Variants in ASCC3 observed in about 807,000 individuals in gnomAD.
ASCC3 encodes the protein ASC-1 complex subunit P200.
Under a neutral mutation model 256.3 loss-of-function variants are expected in ASCC3, and 158 were observed. That is an observed-to-expected ratio of 0.62 (90% CI 0.54 to 0.70). The LOEUF (loss-of-function observed/expected upper bound fraction) is 0.70, where lower values mean the gene tolerates loss of function less well. Among genes scored for constraint, ASCC3 ranks in the 30% least tolerant of loss-of-function variants. The pLI is 0.00. For missense variants in ASCC3, 2,259 were observed against 2,626.0 expected, an observed-to-expected ratio of 0.86 and a Z score of 3.05; for synonymous variants, 948 against 883.4, an observed-to-expected ratio of 1.07 and a Z score of -1.30.
chr6:100,572,182 G>C (rs1318823754), intron 36 of ASCC3, among the ~76,000 whole-genome samples: 1 of 152,088 alleles, frequency 6.6e-6, no homozygotes, highest in Non-Finnish European at 1.5e-5. Context: ...TTTGGGGAGG[G>C]GGTGATTAGG....
chr6:100,598,618 G>A (rs1351592058), intron 34 of ASCC3, among the ~76,000 whole-genome samples: 2 of 152,048 alleles, frequency 1.3e-5, no homozygotes, highest in Non-Finnish European at 2.9e-5. Flanking sequence ...TGTAACCAGA[G>A]CAACAGGGAG....
rs1385748764 is a variant in ASCC3 at position 100,767,167 on chromosome 6, A to T, written c.1574T>A (p.Val525Asp). 6.2e-7 allele frequency: 1 copy of T among 1,613,982 alleles called. No individual in the cohort carries two copies. ...TACCTTAAATTCATTCTTTTTGATAACACCTTGTTGAAAATGTTGGCGAAT... is the reference window on the plus strand; with the variant it reads ...TACCTTAAATTCATTCTTTTTGATATCACCTTGTTGAAAATGTTGGCGAAT... ...HEIRQHFQQG[V>D]IKKNEFKIVY... The change falls in exon 9 of 42, where the codon GTT becomes GAT. Residue 525 changes from valine to aspartate, a missense_variant. Val to Asp is a radical substitution (Grantham distance 152). Transcript: ENST00000369162.
chr6:100,709,786 CAT>C (rs1321963350), intron 13 of ASCC3, among the ~76,000 whole-genome samples: 23 of 152,002 alleles, frequency 1.5e-4, no homozygotes, highest in African/African-American at 4.8e-4. Context: ...TTAAAAGGCA[CAT>C]GTGTGAATGG....
chr6:100,539,039 T>A (rs1456482345), intron 37 of ASCC3, among the ~76,000 whole-genome samples: 1 of 152,110 alleles, frequency 6.6e-6, no homozygotes, highest in Non-Finnish European at 1.5e-5. Flanking sequence ...CTTGAAATAA[T>A]CTTTGGTTCC....
intron 4 of ASCC3, among the ~76,000 whole-genome samples, chr6:100,836,981 G>A (rs185521762): frequency 1.3e-3 from 204 of 151,936 alleles, no homozygotes; most frequent in Non-Finnish European, 2.2e-4. Context: ...TACGTGTTTA[G>A]GAAGGCTAAT....
rs751841347 is a variant in ASCC3 at position 100,799,412 on chromosome 6, T to C, written c.1269+19A>G. 14 of 1,610,058 alleles carry C rather than the reference T, an allele frequency of 8.7e-6. No homozygotes were observed. The highest frequency in any genetic ancestry group is 1.7e-5 in the Admixed American group (1 of 59,866). On this transcript the variant is annotated intron_variant, in intron 7 of 41. Coordinates refer to ENST00000369162, the MANE Select transcript of ASCC3 (RefSeq NM_006828.4). ...GAATAGACATATTATTGAACAGTAGTTATATAACAATGACATACCTTTGCA... is the reference window on the plus strand; with the variant it reads ...GAATAGACATATTATTGAACAGTAGCTATATAACAATGACATACCTTTGCA...
chr6:100,518,130 C>T lies in ASCC3; in HGVS notation c.5788G>A (p.Val1930Met), dbSNP rs3213542. ...ACCAGCCAGCCCTGGTTTGCAGCCA[C>T]GTCCAGCATTGCCTGAACAGGGAAA... ...ALRVCQAMLDVAANQGWLVTV... is the reference protein window; with the variant it reads ...ALRVCQAMLDMAANQGWLVTV... The change falls in exon 38 of 42, where the codon GTG becomes ATG. Residue 1930 changes from valine to methionine, a missense_variant. Val to Met is a conservative substitution (Grantham distance 21). Around this residue, in one of 2 missense-constraint regions of ASCC3, gnomAD observed 1,839 missense variants for 2,206.7 expected, o/e 0.83. Coordinates refer to ENST00000369162, the MANE Select transcript of ASCC3 (RefSeq NM_006828.4). 94,611 of 1,613,300 alleles carry T rather than the reference C, an allele frequency of 0.059. 3,656 individuals carry two copies. Among genetic ancestry groups the T allele is most frequent in the African/African-American group, 0.17 (12,406 of 74,938 alleles).
chr6:100,542,678 C>CA (rs1340196903), intron 36 of ASCC3, among the ~76,000 whole-genome samples: 45 of 140,978 alleles, frequency 3.2e-4, no homozygotes, highest in South Asian at 1.4e-3. Flanking sequence ...AAGACTCCGT[C>CA]AAAAAAAAAA....
intron 3 of ASCC3, among the ~76,000 whole-genome samples, chr6:100,853,051 A>G (rs756252572): frequency 6.6e-6 from 1 of 152,104 alleles, no homozygotes; most frequent in Non-Finnish European, 1.5e-5. Context: ...GTAGCAGAGC[A>G]TGATCAGAAC....
At chr6:100,706,595 T>C (rs1239600777) in intron 13 of ASCC3, among the ~76,000 whole-genome samples, 1 of 151,920 alleles carries the variant, frequency 6.6e-6, no homozygotes, top group Non-Finnish European at 1.5e-5. Flanking sequence ...CAAAATCAAA[T>C]TGTTTAACAG....
At chr6:100,652,614 T>A in intron 18 of ASCC3, 111 bp downstream of exon 18, 1 of 1,188,320 alleles carries the variant, frequency 8.4e-7, no homozygotes, top group Non-Finnish European at 1.2e-6. Flanking sequence ...TCATATAAGT[T>A]AAATGGATTT....
chr6:100,524,149 G>A (rs1234826175), intron 37 of ASCC3, among the ~76,000 whole-genome samples: 1 of 152,030 alleles, frequency 6.6e-6, no homozygotes, highest in Non-Finnish European at 1.5e-5. Flanking sequence ...TCATATATGT[G>A]CTCATTACAC....
At chr6:100,693,681 G>A (rs1052848284) in intron 13 of ASCC3, among the ~76,000 whole-genome samples, 1 of 152,032 alleles carries the variant, frequency 6.6e-6, no homozygotes, top group Non-Finnish European at 1.5e-5. Context: ...TTCCATTTCT[G>A]TAACAAAAAT....
chr6:100,764,571 T>C (rs1168198520), intron 10 of ASCC3, among the ~76,000 whole-genome samples: 1 of 152,192 alleles, frequency 6.6e-6, no homozygotes, highest in Non-Finnish European at 1.5e-5. Context: ...TCACCTATCA[T>C]AGTAGTTTTC....
At chr6:100,663,095 C>T (rs549750781) in intron 14 of ASCC3, among the ~76,000 whole-genome samples, 41 of 151,990 alleles carry the variant, frequency 2.7e-4, no homozygotes, top group Non-Finnish European at 4.9e-4. Flanking sequence ...ATGATGCTTC[C>T]CCTATGATAT....
At chr6:100,734,928 A>G (rs978943783) in intron 10 of ASCC3, among the ~76,000 whole-genome samples, 1 of 152,210 alleles carries the variant, frequency 6.6e-6, no homozygotes, top group Non-Finnish European at 1.5e-5. Context: ...TCTATTTCTG[A>G]GAACACATTG....
At chr6:100,718,906 G>A (rs1161715016) in intron 11 of ASCC3, among the ~76,000 whole-genome samples, 1 of 151,906 alleles carries the variant, frequency 6.6e-6, no homozygotes, top group African/African-American at 2.4e-5. Context: ...TAAAACCAAG[G>A]GATGGCCAAA....
intron 8 of ASCC3, among the ~76,000 whole-genome samples, chr6:100,783,432 A>C (rs1782539814): frequency 6.6e-6 from 1 of 152,154 alleles, no homozygotes; most frequent in Admixed American, 6.5e-5. Context: ...GCAAGCCTAA[A>C]TCACATCTTG....
At chr6:100,842,425 A>G (rs947550891) in intron 4 of ASCC3, among the ~76,000 whole-genome samples, 18 of 152,138 alleles carry the variant, frequency 1.2e-4, no homozygotes, top group Non-Finnish European at 2.1e-4. Context: ...TTTCATTCTC[A>G]TGTTCTCATG....
Sources: gnomAD v4.1 joint callset for allele counts (sites outside exome capture counted in the v4.1 genomes callset) on GRCh38, gnomAD v4.1.1 for gene constraint, gnomAD v4.1.1 regional missense constraint, MANE v1.5 for transcripts, NCBI Gene and HGNC (gene_info 2026-07-23, HGNC 2026-07-21) for gene names.